Variants in SYNJ2 observed in about 807,000 individuals in gnomAD.
SYNJ2 encodes polyphosphatidylinositol phosphatase SYNJ2.
A neutral mutation model predicts 141.3 loss-of-function variants in SYNJ2; 116 were observed. The observed-to-expected ratio is 0.82, with a 90% CI of 0.71 to 0.96. The LOEUF (loss-of-function observed/expected upper bound fraction) is 0.96. Ranked by LOEUF, SYNJ2 falls within the 40% of genes least tolerant of loss-of-function variation. The pLI is 0.00. For synonymous variants in SYNJ2, 745 were observed against 777.7 expected (o/e 0.96, Z 0.70); for missense variants, 1,873 against 1,934.8 (o/e 0.97, Z 0.60).
chr6:158,069,112 T>A lies in SYNJ2; in HGVS notation c.1799+384T>A, dbSNP rs149000534. 4.3e-3 allele frequency among the ~76,000 whole-genome samples: 658 copies of A among 152,106 alleles called. 5 individuals carry two copies. Among genetic ancestry groups the A allele is most frequent in the Admixed American group, 0.01 (153 of 15,270 alleles). ...TTTCCTGGGGAGAGGTGAGAAAGTG[T>A]GAGTGCCGGGAAGAGGTACTTTCTT... On this transcript the variant is annotated intron_variant, in intron 13 of 26. Coordinates refer to ENST00000355585, the MANE Select transcript of SYNJ2 (RefSeq NM_003898.4).
intron 1 of SYNJ2, among the ~76,000 whole-genome samples, chr6:158,011,985 C>T (rs529253403): frequency 2.8e-4 from 42 of 152,282 alleles, no homozygotes; most frequent in African/African-American, 9.4e-4. Flanking sequence ...TGCTGATTTA[C>T]CTCTCTGCAG....
At chr6:158,012,773 CT>C (rs1778313077) in intron 1 of SYNJ2, among the ~76,000 whole-genome samples, 1 of 152,184 alleles carries the variant, frequency 6.6e-6, no homozygotes, top group Non-Finnish European at 1.5e-5. Flanking sequence ...CTTCCCAGTA[CT>C]TTTCTAAGTG....
At position 158,064,648 on chromosome 6, in the gene SYNJ2, C is replaced by T. The variant is rs369696936; in HGVS notation, c.1257C>T (p.Ile419=). ...LKTLGLSSKP[I]VDRFVESFKA... ...CCCTGGGGCTGAGTTCAAAACCCAT[C>T]GTTGACCGCTTTGTGGAGTCCTTCA... The change falls in exon 10 of 27, where the codon ATC becomes ATT. Residue 419 remains isoleucine (I), a synonymous_variant. Coordinates refer to ENST00000355585, the MANE Select transcript of SYNJ2 (RefSeq NM_003898.4). 9 of 1,614,110 alleles carry T rather than the reference C, an allele frequency of 5.6e-6. No individual in the cohort carries two copies. The East Asian group carries it at 6.7e-5, about 12-fold the overall frequency.
intron 7 of SYNJ2, 79 bp from the exon 8 acceptor site, chr6:158,061,913 G>A: frequency 6.8e-7 from 1 of 1,465,314 alleles, no homozygotes; most frequent in African/African-American, 1.4e-5. Context: ...AGCCGCACGG[G>A]TCAAGCTCTG....
chr6:158,093,391 G>A (rs771360209), intron 26 of SYNJ2, among the ~76,000 whole-genome samples: 16 of 150,762 alleles, frequency 1.1e-4, no homozygotes, highest in Non-Finnish European at 1.9e-4. Context: ...AGCCGAAATC[G>A]TGCCACTGCA....
Position 158,080,981 on chromosome 6 carries a change from G to A in SYNJ2, c.2568-128G>A, listed in dbSNP as rs143291479. The A allele has an allele frequency of 2.4e-5, 20 of 837,674 alleles. No individual in the cohort carries two copies. In the African/African-American group the frequency reaches 3.0e-4, roughly 13 times the overall value. 51.9% of individuals were successfully genotyped at this position (837,674 alleles called of 1,614,324 possible). A position where few individuals can be genotyped will look rare whatever the true frequency, so the allele number is the denominator to read the frequency against. Reference sequence around the variant, plus strand: ...TGTTGACTGTTTACAAAGAGCCCTGGGGGACAGCAGCTGGGGACTGGGGGC... The same window carrying A: ...TGTTGACTGTTTACAAAGAGCCCTGAGGGACAGCAGCTGGGGACTGGGGGC... On this transcript the variant is annotated intron_variant, in intron 18 of 26. Coordinates refer to ENST00000355585, the MANE Select transcript of SYNJ2 (RefSeq NM_003898.4).
intron 5 of SYNJ2, among the ~76,000 whole-genome samples, chr6:158,044,047 G>A (rs1300468427): frequency 3.3e-5 from 5 of 152,228 alleles, no homozygotes; most frequent in South Asian, 2.1e-4. Flanking sequence ...GTTATGGGCC[G>A]AGTGGACTGG....
chr6:157,986,291 G>A (rs574556033), intron 1 of SYNJ2, among the ~76,000 whole-genome samples: 9 of 152,336 alleles, frequency 5.9e-5, no homozygotes, highest in East Asian at 3.9e-4. Flanking sequence ...GGCTGTCTCA[G>A]CGTAGTGTTT....
chr6:158,096,507 C>T lies in SYNJ2; in HGVS notation c.*143C>T, dbSNP rs1032716157. ...TCACTCTCGTGTAGTTTACAAAAAT[C>T]GTGTCTCTTATTCAGTAAGATGGTT... is the stretch of plus-strand genomic sequence containing the variant. On this transcript the variant is annotated 3_prime_UTR_variant, in exon 27 of 27. Transcript: ENST00000355585. The T allele has an allele frequency of 5.2e-6, 5 of 953,590 alleles. No individual in the cohort carries two copies. Among genetic ancestry groups the T allele is most frequent in the Non-Finnish European group, 6.0e-6 (4 of 669,180 alleles). 59.1% of individuals were successfully genotyped at this position (953,590 alleles called of 1,614,324 possible). A position where few individuals can be genotyped will look rare whatever the true frequency, so the allele number is the denominator to read the frequency against.
At chr6:158,090,552 T>TTG (rs1554257294) in intron 25 of SYNJ2, among the ~76,000 whole-genome samples, 8 of 148,722 alleles carry the variant, frequency 5.4e-5, no homozygotes, top group African/African-American at 1.7e-4. Flanking sequence ...GTTTTTTTTT[T>TTG]TTTTTTTTTT....
At chr6:158,057,080 G>A (rs980100774) in intron 6 of SYNJ2, among the ~76,000 whole-genome samples, 1 of 152,066 alleles carries the variant, frequency 6.6e-6, no homozygotes, top group Non-Finnish European at 1.5e-5. Context: ...CTCTGCGGGC[G>A]GCTGCTGTGC....
intron 8 of SYNJ2, 50 bp downstream of exon 8, chr6:158,062,214 A>G: frequency 6.3e-7 from 1 of 1,592,658 alleles, no homozygotes; most frequent in Non-Finnish European, 8.6e-7. Flanking sequence ...GGGAAGCGTC[A>G]GTCCACGGTG....
chr6:157,988,191 T>G (rs1215302957), intron 1 of SYNJ2, among the ~76,000 whole-genome samples: 1 of 152,192 alleles, frequency 6.6e-6, no homozygotes, highest in African/African-American at 2.4e-5. Context: ...CAAGGGCATG[T>G]TACAGGTGGA....
chr6:158,056,671 G>A (rs1241305484), intron 6 of SYNJ2, among the ~76,000 whole-genome samples: 1 of 152,206 alleles, frequency 6.6e-6, no homozygotes, highest in Non-Finnish European at 1.5e-5. Flanking sequence ...CCCTGGACTG[G>A]CATGTGCATT....
intron 20 of SYNJ2, 134 bp from the exon 21 acceptor site, chr6:158,083,295 C>T: frequency 9.4e-7 from 1 of 1,067,764 alleles, no homozygotes; most frequent in Non-Finnish European, 1.3e-6. Flanking sequence ...GAGGTCTGGA[C>T]CCTTGGTTTT....
chr6:158,011,315 A>G (rs1778262976), intron 1 of SYNJ2, among the ~76,000 whole-genome samples: 2 of 152,150 alleles, frequency 1.3e-5, no homozygotes, highest in Non-Finnish European at 2.9e-5. Context: ...CCTGGATTTC[A>G]GCTCTCTGGC....
chr6:158,074,546 G>A (rs778912058), intron 15 of SYNJ2, 34 bp from the exon 16 acceptor site: 4 of 1,599,242 alleles, frequency 2.5e-6, no homozygotes, highest in African/African-American at 2.7e-5. Flanking sequence ...CTTGCAAGAT[G>A]GGCTGAATGA....
In SYNJ2 at chr6:157,982,162, A is replaced by AC. The variant is rs1014087540; in HGVS notation, c.127+81dup. The stretch of plus-strand genomic sequence containing the variant: ...TTCGCCCAGCCTCGGGAAGACGGGT[A>AC]CCCCCCCTTCCCGAGGGGATCGGGC... On this transcript the variant is annotated intron_variant, in intron 1 of 26. Coordinates refer to ENST00000355585, the MANE Select transcript of SYNJ2 (RefSeq NM_003898.4). The surrounding 1 kb of genome is among the most constrained non-coding windows in gnomAD (Gnocchi z 4.0). 4.4e-5 allele frequency: 55 copies of AC among 1,255,162 alleles called. No individual in the cohort carries two copies. The highest frequency in any genetic ancestry group is 2.0e-4 in the African/African-American group (13 of 63,740). The allele number at this position is 1,255,162 out of a possible 1,614,324, so 77.8% of individuals were successfully genotyped here.
chr6:158,023,669 T>C (rs1778892941), intron 2 of SYNJ2, among the ~76,000 whole-genome samples: 1 of 152,122 alleles, frequency 6.6e-6, no homozygotes, highest in Admixed American at 6.6e-5. Flanking sequence ...CCTTCTCTCT[T>C]CTGGAAGCTC....
Sources: allele counts gnomAD v4.1 joint callset (sites outside exome capture counted in the v4.1 genomes callset), GRCh38; gene constraint gnomAD v4.1.1; non-coding constraint Gnocchi (gnomAD v3.1); transcripts MANE v1.5; gene names NCBI Gene and HGNC (gene_info 2026-07-23, HGNC 2026-07-21).